The following NDRG2 variants were observed in gnomAD, a reference collection of about 807,000 sequenced individuals.
The protein encoded by NDRG2 is protein NDRG2.
In NDRG2, 34 loss-of-function variants were observed where a neutral mutation model predicts 58.2. The observed-to-expected ratio is 0.58, with a 90% CI of 0.44 to 0.78. The LOEUF (loss-of-function observed/expected upper bound fraction) is 0.78. Among genes scored for constraint, NDRG2 ranks in the 30% least tolerant of loss-of-function variants. NDRG2 has a pLI of 0.00. For missense variants in NDRG2, 434 were observed against 471.2 expected (o/e 0.92, Z 0.73); for synonymous variants, 187 against 175.9 (o/e 1.06, Z -0.50).
chr14:21,040,580 A>C (rs989802148), intron 1 of NDRG2, among the ~76,000 whole-genome samples: 1 of 152,166 alleles, frequency 6.6e-6, no homozygotes, highest in African/African-American at 2.4e-5. Context: ...TTGGAGTAAA[A>C]GCCACAGGCC....
At position 21,043,247 on chromosome 14, in the gene NDRG2, C is replaced by T. The variant is rs760890464; in HGVS notation, c.25-19926G>A. On this transcript the variant is annotated intron_variant, in intron 1 of 14. Transcript: ENST00000403829. Reference sequence around the variant, plus strand: ...CCAGTGTGGCCGCCACCTGCCAGACCCCCAAAATAGCCTGCAAGAATGGCG... The same window carrying T: ...CCAGTGTGGCCGCCACCTGCCAGACTCCCAAAATAGCCTGCAAGAATGGCG... The T allele has an allele frequency of 2.5e-6, 4 of 1,614,074 alleles. 1 individual carries two copies. In the East Asian group the frequency reaches 8.9e-5, roughly 36 times the overall value.
intron 1 of NDRG2, among the ~76,000 whole-genome samples, chr14:21,049,736 A>G (rs1304680114): frequency 1.3e-5 from 2 of 152,028 alleles, no homozygotes; most frequent in Non-Finnish European, 2.9e-5. Flanking sequence ...AGTGGCATTC[A>G]ATATCAAATG....
At chr14:21,051,087 C>T (rs1203143513) in intron 1 of NDRG2, among the ~76,000 whole-genome samples, 5 of 152,174 alleles carry the variant, frequency 3.3e-5, no homozygotes, top group Non-Finnish European at 5.9e-5. Context: ...GTAAAGAACA[C>T]ATTTATCTTG....
chr14:21,042,453 G>A lies in NDRG2; in HGVS notation c.25-19132C>T, dbSNP rs577521690. On this transcript the variant is annotated intron_variant, in intron 1 of 14. Coordinates refer to the NDRG2 transcript ENST00000403829. ...AGACCAAGCGCAAAGGTGAGGCTGT[G>A]GCAGGATCTGGGGAGGAGTGAGGAC... 28 of 163,400 alleles carry A rather than the reference G, an allele frequency of 1.7e-4. No individual in the cohort carries two copies. The South Asian group carries it at 4.2e-3, about 24-fold the overall frequency. 10.1% of individuals were successfully genotyped at this position (163,400 alleles called of 1,614,324 possible). A position where few individuals can be genotyped will look rare whatever the true frequency, so the allele number is the denominator to read the frequency against.
At position 21,024,842 on chromosome 14, in the gene NDRG2, C is replaced by G. The variant is rs929868872; in HGVS notation, c.-819G>C. ...GCCCCGGACCTTGCACACAACCTCGCGCGCACCCCAAACACGCCCTGCAGC... is the reference window on the plus strand; with the variant it reads ...GCCCCGGACCTTGCACACAACCTCGGGCGCACCCCAAACACGCCCTGCAGC... On this transcript the variant is annotated 5_prime_UTR_variant, in exon 1 of 16. Transcript: ENST00000556147. The G allele has an allele frequency of 1.0e-6, 1 of 985,674 alleles. No homozygotes were observed. Among genetic ancestry groups the G allele is most frequent in the African/African-American group, 1.7e-5 (1 of 57,254 alleles). 61.1% of individuals were successfully genotyped at this position (985,674 alleles called of 1,614,324 possible).
At position 21,020,502 on chromosome 14, in the gene NDRG2, G is replaced by A. The variant is rs777361148; in HGVS notation, c.549C>T (p.Ala183=). The part of the protein sequence containing the change: ...PNAKGWMDWA[A]HKLTGLTSSI... Reference sequence around the variant, plus strand: ...CACACAGGCCCCTCCAAACCTTGTGGGCTGCCCAATCCATCCAACCCTTGG... The same window carrying A: ...CACACAGGCCCCTCCAAACCTTGTGAGCTGCCCAATCCATCCAACCCTTGG... Residue 183 remains alanine, a synonymous_variant, in exon 8 of 16, where the codon GCC becomes GCT. Transcript: ENST00000556147. The A allele has an allele frequency of 1.2e-6, 2 of 1,613,280 alleles. No individual in the cohort carries two copies. The highest frequency in any genetic ancestry group is 1.7e-6 in the Non-Finnish European group (2 of 1,179,698).
intron 1 of NDRG2, among the ~76,000 whole-genome samples, chr14:21,057,618 C>CATATATATATATATATATAT (rs57420807): frequency 6.8e-4 from 84 of 122,908 alleles, no homozygotes; most frequent in African/African-American, 1.9e-3. Context: ...TCATTTTATT[C>CATATATATATATATATATAT]ATATATATAT....
chr14:21,050,229 A>G (rs1337091426), intron 1 of NDRG2, among the ~76,000 whole-genome samples: 1 of 152,160 alleles, frequency 6.6e-6, no homozygotes, highest in East Asian at 1.9e-4. Flanking sequence ...GAATGCTCAT[A>G]TTGTATCATT....
intron 1 of NDRG2, chr14:21,058,385 C>T (rs776457451): frequency 6.8e-7 from 1 of 1,472,832 alleles, no homozygotes; most frequent in South Asian, 1.2e-5. Context: ...CCACCTCACA[C>T]TCTGCAGACT....
chr14:21,036,107 T>TGAGCTC, intron 1 of NDRG2: 1 of 443,912 alleles, frequency 2.3e-6, no homozygotes, highest in Non-Finnish European at 4.5e-6. Context: ...GTCCTCAGTA[T>TGAGCTC]GAGCCTGAGT....
chr14:21,017,303 C>A lies in NDRG2; in HGVS notation c.*293G>T, dbSNP rs897242082. On this transcript the variant is annotated 3_prime_UTR_variant, in exon 16 of 16. Coordinates refer to ENST00000556147, the MANE Select transcript of NDRG2 (RefSeq NM_001320329.2). ...ACCTCTTACCCCTCAGCTATAGACA[C>A]CTAGATCAGGACAGAGGATGCATAT... The A allele has an allele frequency of 2.2e-6, 1 of 464,918 alleles. No homozygotes were observed. The highest frequency in any genetic ancestry group is 4.0e-6 in the Non-Finnish European group (1 of 251,182). The allele number at this position is 464,918 out of a possible 1,614,324, so 28.8% of individuals were successfully genotyped here. A position where few individuals can be genotyped will look rare whatever the true frequency, so the allele number is the denominator to read the frequency against.
At chr14:21,032,324 T>G in intron 1 of NDRG2, 1 of 602,016 alleles carries the variant, frequency 1.7e-6, no homozygotes, top group Non-Finnish European at 3.1e-6. Context: ...CAACAGCTGC[T>G]TCCAAGAACA....
At chr14:21,021,412 C>T (rs1292259096) in intron 6 of NDRG2, 1 of 314,684 alleles carries the variant, frequency 3.2e-6, no homozygotes, top group South Asian at 3.1e-5. Context: ...CTCTTCCTTC[C>T]CCAACTCTCT....
chr14:21,023,435 G>T, intron 1 of NDRG2, 114 bp from the exon 2 acceptor site: 1 of 888,670 alleles, frequency 1.1e-6, no homozygotes, highest in Non-Finnish European at 1.8e-6. Context: ...GGACCCAGGG[G>T]TTGAAGACTA....
At chr14:21,035,586 A>G (rs1884569424) in intron 1 of NDRG2, among the ~76,000 whole-genome samples, 1 of 152,202 alleles carries the variant, frequency 6.6e-6, no homozygotes, top group African/African-American at 2.4e-5. Flanking sequence ...TTTGCTGGGC[A>G]GCAGAAAAGG....
At chr14:21,023,156 A>T in intron 2 of NDRG2, 85 bp downstream of exon 2, 1 of 1,159,428 alleles carries the variant, frequency 8.6e-7, no homozygotes, top group Non-Finnish European at 1.3e-6. Flanking sequence ...TTAGAATAAG[A>T]TCAGTACGCT....
Position 21,020,827 on chromosome 14 carries a change from C to T in NDRG2, c.425G>A (p.Gly142Glu). 1.2e-6 allele frequency: 2 copies of T among 1,613,406 alleles called. No homozygotes were observed. Among genetic ancestry groups the T allele is most frequent in the Non-Finnish European group, 1.7e-6 (2 of 1,179,888 alleles). ...LQYLNFSTII[G>E]VGVGAGAYIL... ...GTAGGCTCCAGCTCCAACACCAACT[C>T]CAATTATTGTAGAGAAACTGTGAAA... is the stretch of plus-strand genomic sequence containing the variant. The change falls in exon 7 of 16, where the codon GGA (glycine) becomes GAA (glutamate). Residue 142 changes from glycine (G) to glutamate (E), a missense_variant. By Grantham distance (98) the Gly-to-Glu change is moderately conservative (BLOSUM62 -2). Coordinates refer to ENST00000556147, the MANE Select transcript of NDRG2 (RefSeq NM_001320329.2).
At chr14:21,038,022 C>A (rs1884728728) in intron 1 of NDRG2, among the ~76,000 whole-genome samples, 1 of 152,180 alleles carries the variant, frequency 6.6e-6, no homozygotes, top group Non-Finnish European at 1.5e-5. Context: ...TTTGCCCTGT[C>A]CAATTCAAGT....
At chr14:21,030,032 G>A (rs186937253), upstream of NDRG2, among the ~76,000 whole-genome samples, 224 of 152,342 alleles carry the variant, frequency 1.5e-3, 5 homozygotes, top group Admixed American at 0.013. Context: ...AAGCTTGGCT[G>A]AAATGATGGA....
Sources: allele counts gnomAD v4.1 joint callset (sites outside exome capture counted in the v4.1 genomes callset), GRCh38; gene constraint gnomAD v4.1.1; transcripts MANE v1.5; gene names NCBI Gene and HGNC (gene_info 2026-07-23, HGNC 2026-07-21).